Variants in SDC2 observed in about 807,000 individuals in gnomAD.
The protein encoded by SDC2 is syndecan-2.
SDC2 carries 13 observed loss-of-function variants against 22.2 expected under a neutral mutation model. That is an observed-to-expected ratio of 0.59 (90% CI 0.38 to 0.93). The LOEUF is 0.93. Ranked by LOEUF, SDC2 falls within the 40% of genes least tolerant of loss-of-function variation. SDC2 has a pLI of 0.00. For synonymous variants in SDC2, 94 were observed against 92.8 expected, an observed-to-expected ratio of 1.01 and a Z score of -0.07; for missense variants, 235 against 246.8, an observed-to-expected ratio of 0.95 and a Z score of 0.32.
chr8:96,567,854 A>G (rs958752513), intron 1 of SDC2, among the ~76,000 whole-genome samples: 6 of 152,220 alleles, frequency 3.9e-5, no homozygotes, highest in African/African-American at 1.4e-4. Context: ...GCACAGTGCC[A>G]GGCACTCTTA....
chr8:96,505,803 C>A (rs1051151594), intron 1 of SDC2, among the ~76,000 whole-genome samples: 2 of 152,150 alleles, frequency 1.3e-5, no homozygotes, highest in African/African-American at 4.8e-5. Context: ...AATGGACACA[C>A]GTTACTATAA....
intron 1 of SDC2, among the ~76,000 whole-genome samples, chr8:96,553,658 T>C (rs547962244): frequency 1.6e-4 from 24 of 152,320 alleles, no homozygotes; most frequent in African/African-American, 5.5e-4. Context: ...TACAACCATT[T>C]ATCAACCTTA....
chr8:96,566,568 TTATGTGA>T (rs1458460637), intron 1 of SDC2, among the ~76,000 whole-genome samples: 1 of 152,108 alleles, frequency 6.6e-6, no homozygotes, highest in Non-Finnish European at 1.5e-5. Flanking sequence ...CTTATTAGTT[TTATGTGA>T]AATACAACTA....
In SDC2 at chr8:96,593,610, A is replaced by G. The variant is rs766963672; in HGVS notation, c.172+19A>G. 4.1e-6 allele frequency: 6 copies of G among 1,463,104 alleles called. No homozygotes were observed. The highest frequency in any genetic ancestry group is 5.8e-6 in the Non-Finnish European group (6 of 1,043,172). 90.6% of individuals were successfully genotyped at this position (1,463,104 alleles called of 1,614,324 possible). On this transcript the variant is annotated intron_variant, in intron 2 of 4. Coordinates refer to ENST00000302190, the MANE Select transcript of SDC2 (RefSeq NM_002998.4). ...GGCTCGGGTAAGGTGGCTGCTTCTAAACACTGGACCTCATTCTCCAGGCAT... is the reference window on the plus strand; with the variant it reads ...GGCTCGGGTAAGGTGGCTGCTTCTAGACACTGGACCTCATTCTCCAGGCAT...
rs559409309 is a variant in SDC2 at position 96,531,855 on chromosome 8, A to C, written c.60+37524A>C. Among the ~76,000 whole-genome samples, 10 of 152,326 alleles carry C rather than the reference A, an allele frequency of 6.6e-5. No individual in the cohort carries two copies. The South Asian group carries it at 2.1e-3, about 32-fold the overall frequency. On this transcript the variant is annotated intron_variant, in intron 1 of 4. Transcript: ENST00000302190. The stretch of plus-strand genomic sequence containing the variant: ...TTTATGTGTGTGTCAACCAAGATGT[A>C]CATGGGAACATGGCATCTCATCTTC...
chr8:96,517,668 C>G (rs1023666323), intron 1 of SDC2, among the ~76,000 whole-genome samples: 7 of 152,150 alleles, frequency 4.6e-5, no homozygotes, highest in African/African-American at 1.4e-4. Context: ...TCTGCACTCT[C>G]AATTCTGTTC....
chr8:96,598,823 G>A (rs1326829230), intron 2 of SDC2, among the ~76,000 whole-genome samples: 1 of 152,052 alleles, frequency 6.6e-6, no homozygotes, highest in African/African-American at 2.4e-5. Flanking sequence ...AGGACCTGAA[G>A]GAGGAGATAT....
In SDC2 at chr8:96,509,298, T is replaced by TCA. The variant is rs1813295289; in HGVS notation, c.60+14968_60+14969dup. Among the ~76,000 whole-genome samples, 2 of 142,148 alleles carry TCA rather than the reference T, an allele frequency of 1.4e-5. 1 individual carries two copies. The highest frequency in any genetic ancestry group is 1.4e-4 in the Admixed American group (2 of 14,350). The allele number at this position is 142,148 out of a possible 152,430, so 93.3% of individuals were successfully genotyped here. A position where few individuals can be genotyped will look rare whatever the true frequency, so the allele number is the denominator to read the frequency against. ...GCAGGATAGAGCCTGCGCTAGACTCTCAGTGTTGATGATGATTGAAATGGA... is the reference window on the plus strand; with the variant it reads ...GCAGGATAGAGCCTGCGCTAGACTCTCACAGTGTTGATGATGATTGAAATGGA... On this transcript the variant is annotated intron_variant, in intron 1 of 4. Transcript: ENST00000302190.
At chr8:96,593,692 G>T in intron 2 of SDC2, 101 bp downstream of exon 2, 1 of 733,730 alleles carries the variant, frequency 1.4e-6, no homozygotes, top group Admixed American at 2.1e-5. Flanking sequence ...ATGCACAGTG[G>T]TTAAGGGCAC....
chr8:96,567,809 A>C (rs975848211), intron 1 of SDC2, among the ~76,000 whole-genome samples: 1 of 152,204 alleles, frequency 6.6e-6, no homozygotes, highest in Non-Finnish European at 1.5e-5. Flanking sequence ...TGAGAGGTGG[A>C]GTGGAGTAAC....
chr8:96,592,318 C>G (rs1171289036), intron 1 of SDC2, among the ~76,000 whole-genome samples: 1 of 152,156 alleles, frequency 6.6e-6, no homozygotes. Flanking sequence ...AGGTTCCAAT[C>G]ACAGCGACTG....
At chr8:96,509,751 G>T (rs1813300714) in intron 1 of SDC2, among the ~76,000 whole-genome samples, 3 of 152,282 alleles carry the variant, frequency 2.0e-5, no homozygotes, top group Middle Eastern at 3.4e-3. Context: ...TAGCAGGTAA[G>T]ATTTTGTATT....
intron 1 of SDC2, among the ~76,000 whole-genome samples, chr8:96,516,064 G>T (rs1352029943): frequency 6.6e-6 from 1 of 152,164 alleles, no homozygotes; most frequent in African/African-American, 2.4e-5. Context: ...GGGGATTGGG[G>T]TTATTTGTTA....
chr8:96,551,467 C>T (rs1345075958), intron 1 of SDC2, among the ~76,000 whole-genome samples: 1 of 152,182 alleles, frequency 6.6e-6, no homozygotes, highest in Non-Finnish European at 1.5e-5. Flanking sequence ...TCCCAGCAAT[C>T]TCATGAGACA....
intron 1 of SDC2, among the ~76,000 whole-genome samples, chr8:96,540,967 A>C (rs186753048): frequency 6.6e-6 from 1 of 152,340 alleles, no homozygotes; most frequent in African/African-American, 2.4e-5. Context: ...TTATCTAAGA[A>C]ATTTCAAATA....
intron 1 of SDC2, among the ~76,000 whole-genome samples, chr8:96,525,307 G>A (rs1295966662): frequency 6.6e-6 from 1 of 152,082 alleles, no homozygotes; most frequent in Non-Finnish European, 1.5e-5. Context: ...ATTTGGTGCT[G>A]CTGTAGTCTC....
chr8:96,544,017 C>T (rs1243720018), intron 1 of SDC2, among the ~76,000 whole-genome samples: 2 of 152,152 alleles, frequency 1.3e-5, no homozygotes, highest in African/African-American at 4.8e-5. Flanking sequence ...TCAGAATGAA[C>T]TTAGACTAAA....
chr8:96,583,685 A>ACG, intron 1 of SDC2, among the ~76,000 whole-genome samples: 1 of 142,616 alleles, frequency 7.0e-6, no homozygotes, highest in East Asian at 2.1e-4. Flanking sequence ...TTTGAAATAT[A>ACG]TGTGTGTGTG....
intron 1 of SDC2, among the ~76,000 whole-genome samples, chr8:96,547,445 C>T (rs1813952190): frequency 6.6e-6 from 1 of 152,214 alleles, no homozygotes; most frequent in South Asian, 2.1e-4. Context: ...ACGCTGTCCA[C>T]TGGGCTATTT....
Sources: gnomAD v4.1 joint callset for allele counts (sites outside exome capture counted in the v4.1 genomes callset) on GRCh38, gnomAD v4.1.1 for gene constraint, MANE v1.5 for transcripts, NCBI Gene and HGNC (gene_info 2026-07-23, HGNC 2026-07-21) for gene names.